TG: variants seen among roughly 807,000 people sequenced by gnomAD.
TG encodes thyroid hormones.
A neutral mutation model predicts 324.7 loss-of-function variants in TG; 270 were observed. That is an observed-to-expected ratio of 0.83 (90% CI 0.75 to 0.92). The LOEUF is 0.92. TG is among the 40% of genes least tolerant of loss of function. TG has a pLI of 0.00. For synonymous variants in TG, 1,401 were observed against 1,327.0 expected, an observed-to-expected ratio of 1.06 and a Z score of -1.21; for missense variants, 3,591 against 3,456.4, an observed-to-expected ratio of 1.04 and a Z score of -0.98.
intron 21 of TG, among the ~76,000 whole-genome samples, chr8:132,921,688 A>T (rs1021540681): frequency 1.3e-5 from 2 of 152,198 alleles, no homozygotes; most frequent in Non-Finnish European, 2.9e-5. Flanking sequence ...CTTTTCTCCT[A>T]CATTTTATAA....
intron 41 of TG, among the ~76,000 whole-genome samples, chr8:133,055,620 G>T (rs977628880): frequency 2.0e-5 from 3 of 152,170 alleles, no homozygotes; most frequent in Non-Finnish European, 2.9e-5. Context: ...GAACTAAACA[G>T]ACCTTGAGTC....
intron 45 of TG, among the ~76,000 whole-genome samples, chr8:133,128,669 G>A (rs1336306319): frequency 1.3e-5 from 2 of 152,176 alleles, no homozygotes; most frequent in Non-Finnish European, 2.9e-5. Flanking sequence ...CAAGCCCAAA[G>A]TCTGCCTTTC....
At chr8:133,085,786 C>T (rs1394120182) in intron 41 of TG, among the ~76,000 whole-genome samples, 2 of 152,116 alleles carry the variant, frequency 1.3e-5, no homozygotes, top group Admixed American at 6.5e-5. Context: ...TAAAATAATG[C>T]GGCCACTTTG....
At chr8:132,915,963 A>G (rs1002356786) in intron 20 of TG, among the ~76,000 whole-genome samples, 3 of 152,212 alleles carry the variant, frequency 2.0e-5, no homozygotes, top group Non-Finnish European at 4.4e-5. Flanking sequence ...CATCAGTTCT[A>G]GTACCTGTCG....
In TG at chr8:133,017,985, C is replaced by A; in HGVS notation, c.6770C>A (p.Ala2257Asp). 13 of 1,614,096 alleles carry A rather than the reference C, an allele frequency of 8.1e-6. No individual in the cohort carries two copies. Among genetic ancestry groups the A allele is most frequent in the Non-Finnish European group, 1.1e-5 (13 of 1,180,000 alleles). Residue 2257 changes from alanine (A) to aspartate (D), a missense_variant, in exon 38 of 48, where the codon GCC (alanine) becomes GAC (aspartate). Physicochemically the swap from Ala to Asp is moderately radical, Grantham distance 126. Transcript: ENST00000220616. ...TTGAACTGGACAGGCTCCTGGGATGCCAGCAAGCCAAGGTATGGGTTGAGT... is the reference window on the plus strand; with the variant it reads ...TTGAACTGGACAGGCTCCTGGGATGACAGCAAGCCAAGGTATGGGTTGAGT... ...EPLNWTGSWD[A>D]SKPRASCWQP... is the part of the protein sequence containing the mutation.
intron 34 of TG, among the ~76,000 whole-genome samples, chr8:132,979,687 T>G (rs1054516423): frequency 6.7e-6 from 1 of 149,384 alleles, no homozygotes; most frequent in African/African-American, 2.5e-5. Flanking sequence ...GGCAAATATG[T>G]TACAACTGAT....
intron 41 of TG, chr8:133,059,154 G>A (rs1434495364): frequency 5.3e-5 from 24 of 456,130 alleles, no homozygotes; most frequent in Non-Finnish European, 7.5e-5. Context: ...CGCCCAGGGC[G>A]GTGCTGCAGG....
chr8:133,119,860 T>TAATTTCAGCCTGAACTAC (rs1357219165), intron 45 of TG, among the ~76,000 whole-genome samples: 1 of 152,204 alleles, frequency 6.6e-6, no homozygotes, highest in Non-Finnish European at 1.5e-5. Context: ...CATAGAACTA[T>TAATTTCAGCCTGAACTAC]AATTTCAGCC....
chr8:132,973,308 A>G (rs1829779980), intron 34 of TG, among the ~76,000 whole-genome samples: 1 of 152,244 alleles, frequency 6.6e-6, no homozygotes, highest in Non-Finnish European at 1.5e-5. Flanking sequence ...TGGTAGTCCC[A>G]TGGAGGAAAA....
intron 22 of TG, among the ~76,000 whole-genome samples, chr8:132,927,645 A>G (rs2132514035): frequency 6.6e-6 from 1 of 152,388 alleles, no homozygotes; most frequent in East Asian, 1.9e-4. Context: ...TGAAATGTGA[A>G]GATCTCTATC....
rs149651342 is a variant in TG, at chr8:132,912,723, A to G, written c.4160-324A>G. ...AGTGCCTCAATGAAGGTTGAGGTGGATGAGTATCTGAATCTTGAACCTTAG... is the reference window on the plus strand; with the variant it reads ...AGTGCCTCAATGAAGGTTGAGGTGGGTGAGTATCTGAATCTTGAACCTTAG... On this transcript the variant is annotated intron_variant, in intron 19 of 47. Coordinates refer to ENST00000220616, the MANE Select transcript of TG (RefSeq NM_003235.5). 3.1e-3 allele frequency among the ~76,000 whole-genome samples: 479 copies of G among 152,284 alleles called. 2 individuals are homozygous for G. The highest frequency in any genetic ancestry group is 0.011 in the African/African-American group (469 of 41,554).
intron 32 of TG, among the ~76,000 whole-genome samples, chr8:132,971,536 A>G (rs962966162): frequency 3.9e-5 from 6 of 152,204 alleles, no homozygotes; most frequent in Non-Finnish European, 7.3e-5. Context: ...GGCACAGAAT[A>G]TATGCATGAT....
At chr8:133,015,443 G>T (rs1363147557) in intron 37 of TG, among the ~76,000 whole-genome samples, 1 of 152,130 alleles carries the variant, frequency 6.6e-6, no homozygotes, top group Non-Finnish European at 1.5e-5. Context: ...ATTCTAGAAA[G>T]AATCTACCAT....
At chr8:133,063,116 A>G (rs1842611412) in intron 41 of TG, among the ~76,000 whole-genome samples, 1 of 151,820 alleles carries the variant, frequency 6.6e-6, no homozygotes, top group South Asian at 2.1e-4. Context: ...CCCATTTGCC[A>G]CCATCTCCAG....
intron 17 of TG, 36 bp downstream of exon 17, chr8:132,906,936 T>G (rs775559074): frequency 6.3e-7 from 1 of 1,576,506 alleles, no homozygotes; most frequent in Non-Finnish European, 8.6e-7. Flanking sequence ...TGCACCCCGC[T>G]CCCTCTCAGG....
In TG at chr8:132,919,544, T is replaced by C. The variant is rs1442141832; in HGVS notation, c.4528+19T>C. 1 of 1,613,404 alleles carries C rather than the reference T, an allele frequency of 6.2e-7. No homozygotes were observed. The highest frequency in any genetic ancestry group is 1.7e-5 in the Admixed American group (1 of 60,024). On this transcript the variant is annotated intron_variant, in intron 21 of 47. Coordinates refer to ENST00000220616, the MANE Select transcript of TG (RefSeq NM_003235.5). ...ACTCACTGTAAGTTCTGTGGAGTGC[T>C]TCTTTGAAAGAAAAGCCCTGCAATG... is the stretch of plus-strand genomic sequence containing the variant.
rs189500765 is a variant in TG, at chr8:132,969,450, C to T, written c.5864-8C>T. The T allele has an allele frequency of 9.9e-5, 157 of 1,586,482 alleles. 1 individual carries two copies. In the East Asian group the frequency reaches 2.9e-3, roughly 29 times the overall value. On this transcript the variant is annotated splice_polypyrimidine_tract_variant and splice_region_variant and intron_variant, in intron 31 of 47. Transcript: ENST00000220616. ...TAAGTAATGTATTTTCTTTCTTCCT[C>T]TATGAAGTTATACTGGAAGATAAAG...
chr8:133,065,768 TAATAAAATAA>T lies in TG; in HGVS notation c.7240-29253_7240-29244del, dbSNP rs60174705. ...CAAGAGTGAAACTCCGTCTCAAAAA[TAATAAAATAA>T]AATAAAATAAAATAAAATAAAAAAG... On this transcript the variant is annotated intron_variant, in intron 41 of 47. Transcript: ENST00000220616. Among the ~76,000 whole-genome samples the T allele has an allele frequency of 3.5e-4, 53 of 150,810 alleles. 1 individual carries two copies. Among genetic ancestry groups the T allele is most frequent in the East Asian group, 2.5e-3 (13 of 5,112 alleles).
intron 26 of TG, 67 bp downstream of exon 26, chr8:132,941,609 G>C: frequency 6.3e-7 from 1 of 1,588,562 alleles, no homozygotes; most frequent in South Asian, 1.1e-5. Flanking sequence ...CAGAAGCCAG[G>C]ACACACAACA....
Sources: gnomAD v4.1 joint callset for allele counts (sites outside exome capture counted in the v4.1 genomes callset) on GRCh38, gnomAD v4.1.1 for gene constraint, MANE v1.5 for transcripts, NCBI Gene and HGNC (gene_info 2026-07-23, HGNC 2026-07-21) for gene names.